TTC27: variants seen among roughly 807,000 people sequenced by gnomAD.
TTC27 encodes tetratricopeptide repeat protein 27.
Under a neutral mutation model 115.9 loss-of-function variants are expected in TTC27, and 79 were observed. The observed-to-expected ratio is 0.68, with a 90% CI of 0.57 to 0.82. The LOEUF (loss-of-function observed/expected upper bound fraction) is 0.82, where lower values mean the gene tolerates loss of function less well. Among genes scored for constraint, TTC27 ranks in the 40% least tolerant of loss-of-function variants. The pLI is 0.00. For missense variants in TTC27, 1,054 were observed against 993.1 expected (o/e 1.06, Z -0.82); for synonymous variants, 401 against 356.0 (o/e 1.13, Z -1.42).
chr2:32,690,199 T>G (rs577326432), intron 9 of TTC27, among the ~76,000 whole-genome samples: 2 of 152,318 alleles, frequency 1.3e-5, no homozygotes, highest in African/African-American at 4.8e-5. Flanking sequence ...GAGGTTTTTC[T>G]TTTTTGAAGA....
At chr2:32,642,418 AT>A (rs1664687575) in intron 4 of TTC27, among the ~76,000 whole-genome samples, 1 of 151,140 alleles carries the variant, frequency 6.6e-6, no homozygotes, top group South Asian at 2.1e-4. Context: ...CGTTTGGCTA[AT>A]TTTTTGTATT....
At chr2:32,657,283 T>C (rs1306704315) in intron 5 of TTC27, among the ~76,000 whole-genome samples, 2 of 152,038 alleles carry the variant, frequency 1.3e-5, no homozygotes, top group Non-Finnish European at 2.9e-5. Context: ...AGGTGAGACA[T>C]GTACATCTTG....
intron 3 of TTC27, among the ~76,000 whole-genome samples, chr2:32,636,236 CG>C (rs1294983922): frequency 6.6e-6 from 1 of 151,982 alleles, no homozygotes; most frequent in Non-Finnish European, 1.5e-5. Context: ...TGTTTTGAGA[CG>C]GAGTCTCACT....
intron 5 of TTC27, among the ~76,000 whole-genome samples, chr2:32,652,386 T>A (rs1434564688): frequency 6.6e-6 from 1 of 151,590 alleles, no homozygotes; most frequent in East Asian, 1.9e-4. Flanking sequence ...AATATATAAA[T>A]AAATAAATAA....
intron 4 of TTC27, among the ~76,000 whole-genome samples, chr2:32,646,852 C>T (rs551664973): frequency 3.6e-4 from 55 of 151,932 alleles, no homozygotes; most frequent in African/African-American, 1.3e-3. Flanking sequence ...CATGAGCCAC[C>T]GCGCCCGGCC....
In TTC27 at chr2:32,641,484, C is replaced by T. The variant is rs375525852; in HGVS notation, c.537+1074C>T. On this transcript the variant is annotated intron_variant, in intron 4 of 19. Transcript: ENST00000317907. Reference sequence around the variant, plus strand: ...TCCCAGTGATATAAAAATGTAAAAACGATTTTCAGTTCTTGGACTATACGG... The same window carrying T: ...TCCCAGTGATATAAAAATGTAAAAATGATTTTCAGTTCTTGGACTATACGG... Among the ~76,000 whole-genome samples the T allele has an allele frequency of 3.5e-4, 54 of 152,270 alleles. No homozygotes were observed. In the East Asian group the frequency reaches 4.6e-3, roughly 13 times the overall value.
At chr2:32,793,733 G>A (rs1453799264) in intron 16 of TTC27, among the ~76,000 whole-genome samples, 1 of 152,108 alleles carries the variant, frequency 6.6e-6, no homozygotes, top group Admixed American at 6.5e-5. Flanking sequence ...ATGTTGGCCA[G>A]GCTGGTCTTG....
Position 32,630,625 on chromosome 2 carries a change from A to G in TTC27, c.191A>G (p.Glu64Gly). The G allele has an allele frequency of 6.2e-7, 1 of 1,614,040 alleles. No homozygotes were observed. The highest frequency in any genetic ancestry group is 8.5e-7 in the Non-Finnish European group (1 of 1,179,956). ...NIFNSTTTAEEKIDSYLEKQV... is the reference protein window; with the variant it reads ...NIFNSTTTAEGKIDSYLEKQV... The stretch of plus-strand genomic sequence containing the variant: ...TTTAATTCAACAACAACCGCTGAAG[A>G]AAAGATTGATAGCTACCTGGAGAAG... The change falls in exon 2 of 20, where the codon GAA becomes GGA. Residue 64 changes from glutamate (E) to glycine (G), a missense_variant. Transcript: ENST00000317907.
chr2:32,788,234 T>TAA (rs148938304), intron 16 of TTC27, among the ~76,000 whole-genome samples: 4 of 151,906 alleles, frequency 2.6e-5, no homozygotes, highest in African/African-American at 4.8e-5. Context: ...TCTTTCATAT[T>TAA]AAAAAAAATG....
intron 14 of TTC27, among the ~76,000 whole-genome samples, chr2:32,778,878 G>A (rs543764477): frequency 3.3e-5 from 5 of 152,268 alleles, no homozygotes; most frequent in South Asian, 2.1e-4. Flanking sequence ...TTGCTGGATC[G>A]TATGGTAGCT....
At chr2:32,628,998 G>A (rs2063536400) in intron 1 of TTC27, among the ~76,000 whole-genome samples, 1 of 151,950 alleles carries the variant, frequency 6.6e-6, no homozygotes, top group Admixed American at 6.6e-5. Flanking sequence ...GACCTCAGAT[G>A]ATTCGCCTGC....
At chr2:32,652,760 T>A (rs1241482368) in intron 5 of TTC27, among the ~76,000 whole-genome samples, 2 of 152,232 alleles carry the variant, frequency 1.3e-5, no homozygotes, top group Non-Finnish European at 2.9e-5. Context: ...TTGATCCAAA[T>A]GTAATAACTG....
intron 16 of TTC27, among the ~76,000 whole-genome samples, chr2:32,800,985 T>G (rs1670911928): frequency 1.3e-5 from 2 of 152,212 alleles, no homozygotes; most frequent in African/African-American, 4.8e-5. Context: ...ATTTAAAACT[T>G]ACTCACGTGC....
At position 32,734,983 on chromosome 2, in the gene TTC27, C is replaced by A. The variant is rs551675265; in HGVS notation, c.1329+1060C>A. 4.6e-5 allele frequency among the ~76,000 whole-genome samples: 7 copies of A among 152,216 alleles called. No individual in the cohort carries two copies. The South Asian group carries it at 1.5e-3, about 32-fold the overall frequency. ...GTTAAGTGGAGTCAGATGGAGCCAG[C>A]CAGGGGATTACAGATGATTTATCTA... On this transcript the variant is annotated intron_variant, in intron 11 of 19. Transcript: ENST00000317907.
chr2:32,734,013 A>T, intron 11 of TTC27, 90 bp downstream of exon 11: 1 of 872,992 alleles, frequency 1.1e-6, no homozygotes, highest in Non-Finnish European at 1.7e-6. Context: ...TTTATGTTTG[A>T]ATTTTCAAAT....
intron 16 of TTC27, among the ~76,000 whole-genome samples, chr2:32,804,569 A>T (rs1252792858): frequency 1.3e-5 from 2 of 152,158 alleles, no homozygotes; most frequent in African/African-American, 2.4e-5. Context: ...GAAAACATGA[A>T]AAAAATTCTA....
intron 10 of TTC27, among the ~76,000 whole-genome samples, chr2:32,706,077 CTTTTTTTTT>C (rs148953090): frequency 1.9e-5 from 1 of 53,220 alleles, no homozygotes; most frequent in Non-Finnish European, 3.2e-5. Context: ...TTACCTTACT[CTTTTTTTTT>C]TTTTTTTTTT....
At chr2:32,697,617 G>A (rs1204795280) in intron 9 of TTC27, among the ~76,000 whole-genome samples, 1 of 152,158 alleles carries the variant, frequency 6.6e-6, no homozygotes, top group African/African-American at 2.4e-5. Flanking sequence ...TTTTGGAGGT[G>A]GTTGGTCAAC....
At chr2:32,661,506 T>C (rs563847658) in intron 5 of TTC27, among the ~76,000 whole-genome samples, 49 of 152,304 alleles carry the variant, frequency 3.2e-4, no homozygotes, top group African/African-American at 1.2e-3. Context: ...GTTGTGTTCC[T>C]AGGTATTTTA....
Sources: allele counts gnomAD v4.1 joint callset (sites outside exome capture counted in the v4.1 genomes callset), GRCh38; gene constraint gnomAD v4.1.1; transcripts MANE v1.5; gene names NCBI Gene and HGNC (gene_info 2026-07-23, HGNC 2026-07-21).